UCP1: variants seen among roughly 807,000 people sequenced by gnomAD.
UCP1 encodes the protein mitochondrial brown fat uncoupling protein 1.
Under a neutral mutation model 26.2 loss-of-function variants are expected in UCP1, and 24 were observed. The observed-to-expected ratio is 0.92, with a 90% CI of 0.66 to 1.29. The LOEUF is 1.29. Among genes scored for constraint, UCP1 ranks in the 50% most tolerant of loss-of-function variants. The pLI, the probability that UCP1 is intolerant of heterozygous loss-of-function variation, is 0.00. For synonymous variants in UCP1, 164 were observed against 156.8 expected (o/e 1.05, Z -0.34); for missense variants, 402 against 388.7 (o/e 1.03, Z -0.29).
Position 140,562,187 on chromosome 4 carries a change from T to A in UCP1, c.809+6A>T. 2 of 1,614,130 alleles carry A rather than the reference T, an allele frequency of 1.2e-6. No homozygotes were observed. The highest frequency in any genetic ancestry group is 2.2e-5 in the South Asian group (2 of 91,082). ...CACATTACAGATACACAAGATCATATCTTACCCCTTGAAGAAAGCCGTTGG... is the reference window on the plus strand; with the variant it reads ...CACATTACAGATACACAAGATCATAACTTACCCCTTGAAGAAAGCCGTTGG... On this transcript the variant is annotated splice_donor_region_variant and intron_variant, in intron 5 of 5. Transcript: ENST00000262999.
chr4:140,568,618 T>C lies in UCP1; in HGVS notation c.112A>G (p.Lys38Glu), dbSNP rs1297328315. 3 of 1,613,672 alleles carry C rather than the reference T, an allele frequency of 1.9e-6. No individual in the cohort carries two copies. Among genetic ancestry groups the C allele is most frequent in the South Asian group, 1.1e-5 (1 of 90,854 alleles). Reference protein sequence around the residue: ...DVITFPLDTAKVRLQVQGECP... With the variant: ...DVITFPLDTAEVRLQVQGECP... ...TGCCTAGCTACCTGGAGCCGGACTT[T>C]GGCCGTGTCCAGCGGGAAGGTGATC... is the stretch of plus-strand genomic sequence containing the variant. Residue 38 changes from lysine to glutamate, a missense_variant, in exon 1 of 6, where the codon AAA becomes GAA. Coordinates refer to ENST00000262999, the MANE Select transcript of UCP1 (RefSeq NM_021833.5).
chr4:140,562,753 C>CTT (rs1404491907), intron 4 of UCP1, among the ~76,000 whole-genome samples: 8 of 151,924 alleles, frequency 5.3e-5, no homozygotes, highest in Non-Finnish European at 1.0e-4. Context: ...TGATAAGCTC[C>CTT]TTTTATAACT....
At chr4:140,568,387 C>G (rs1322721386) in intron 1 of UCP1, among the ~76,000 whole-genome samples, 1 of 152,080 alleles carries the variant, frequency 6.6e-6, no homozygotes, top group Non-Finnish European at 1.5e-5. Context: ...CATGGTCAAC[C>G]CATTCTCTGT....
chr4:140,566,570 A>G (rs1735803622), intron 2 of UCP1, among the ~76,000 whole-genome samples: 1 of 152,236 alleles, frequency 6.6e-6, no homozygotes, highest in Admixed American at 6.5e-5. Context: ...CTTTGAAAGT[A>G]CTTGTGTGGA....
chr4:140,568,844 T>G lies in UCP1; in HGVS notation c.-115A>C. On this transcript the variant is annotated 5_prime_UTR_variant, in exon 1 of 6. Coordinates refer to ENST00000262999, the MANE Select transcript of UCP1 (RefSeq NM_021833.5). ...CCGGGCAGCAAACCCGATTTCTGTT[T>G]TTTGAACCGACCGCCGGGCAGCGGC... The G allele has an allele frequency of 2.7e-6, 4 of 1,497,442 alleles. No individual in the cohort carries two copies. Among genetic ancestry groups the G allele is most frequent in the Non-Finnish European group, 3.6e-6 (4 of 1,116,328 alleles). The allele number at this position is 1,497,442 out of a possible 1,614,324, so 92.8% of individuals were successfully genotyped here.
At position 140,568,621 on chromosome 4, in the gene UCP1, C is replaced by T. The variant is rs753327254; in HGVS notation, c.109G>A (p.Ala37Thr). The T allele has an allele frequency of 2.5e-6, 4 of 1,613,266 alleles. No homozygotes were observed. In the South Asian group the frequency reaches 3.3e-5, roughly 13 times the overall value. Residue 37 changes from alanine (A) to threonine (T), a missense_variant, in exon 1 of 6, where the codon GCC becomes ACC. Physicochemically the swap from Ala to Thr is moderately conservative, Grantham distance 58 (BLOSUM62 0). Transcript: ENST00000262999. ...CTAGCTACCTGGAGCCGGACTTTGGCCGTGTCCAGCGGGAAGGTGATCACG... is the reference window on the plus strand; with the variant it reads ...CTAGCTACCTGGAGCCGGACTTTGGTCGTGTCCAGCGGGAAGGTGATCACG... Reference protein sequence around the residue: ...ADVITFPLDTAKVRLQVQGEC... With the variant: ...ADVITFPLDTTKVRLQVQGEC...
chr4:140,565,401 GCTTT>G (rs752327616), intron 2 of UCP1, among the ~76,000 whole-genome samples: 10 of 151,988 alleles, frequency 6.6e-5, no homozygotes, highest in Non-Finnish European at 1.3e-4. Flanking sequence ...ATCATTTCTT[GCTTT>G]CTAACTTACC....
At chr4:140,562,584 G>A (rs1480669544) in intron 4 of UCP1, among the ~76,000 whole-genome samples, 1 of 152,164 alleles carries the variant, frequency 6.6e-6, no homozygotes, top group African/African-American at 2.4e-5. Context: ...AAAGTAAACT[G>A]TTAGTTTCCT....
rs147778681 is a variant in UCP1 at position 140,563,109 on chromosome 4, C to T, written c.628+1G>A. The T allele has an allele frequency of 3.8e-5, 61 of 1,611,654 alleles. No homozygotes were observed. The Admixed American group carries it at 4.0e-4, about 11-fold the overall frequency. ...GTTTGTTATATGAAATGGGAAGTTA[C>T]CTGCTAATATGTTGTTTTTCACAAA... On this transcript the variant is annotated splice_donor_variant, in intron 4 of 5. Transcript: ENST00000262999. LOFTEE classifies it high-confidence loss of function.
Position 140,568,610 on chromosome 4 carries a change from C to T in UCP1, c.120G>A (p.Arg40=), listed in dbSNP as rs573078239. 3.7e-6 allele frequency: 6 copies of T among 1,613,742 alleles called. No homozygotes were observed. In the Admixed American group the frequency reaches 1.0e-4, roughly 27 times the overall value. Residue 40 remains arginine, a synonymous_variant, in exon 1 of 6, where the codon CGG becomes CGA. Coordinates refer to ENST00000262999, the MANE Select transcript of UCP1 (RefSeq NM_021833.5). ...TACCCCTCTGCCTAGCTACCTGGAG[C>T]CGGACTTTGGCCGTGTCCAGCGGGA... is the stretch of plus-strand genomic sequence containing the variant. ...ITFPLDTAKV[R]LQVQGECPTS...
chr4:140,568,627 C>G lies in UCP1; in HGVS notation c.103G>C (p.Asp35His). Residue 35 changes from aspartate (D) to histidine (H), a missense_variant, in exon 1 of 6, where the codon GAC becomes CAC. Asp to His is a moderately conservative substitution (Grantham distance 81). Coordinates refer to ENST00000262999, the MANE Select transcript of UCP1 (RefSeq NM_021833.5). Reference sequence around the variant, plus strand: ...ACCTGGAGCCGGACTTTGGCCGTGTCCAGCGGGAAGGTGATCACGTCCGCC... The same window carrying G: ...ACCTGGAGCCGGACTTTGGCCGTGTGCAGCGGGAAGGTGATCACGTCCGCC... The part of the protein sequence containing the change: ...CLADVITFPL[D>H]TAKVRLQVQG... 2 of 1,613,394 alleles carry G rather than the reference C, an allele frequency of 1.2e-6. No homozygotes were observed. Among genetic ancestry groups the G allele is most frequent in the Non-Finnish European group, 1.7e-6 (2 of 1,179,890 alleles).
At chr4:140,563,602 T>A in intron 2 of UCP1, 84 bp from the exon 3 acceptor site, 1 of 1,274,612 alleles carries the variant, frequency 7.8e-7, no homozygotes, top group Non-Finnish European at 1.1e-6. Context: ...CAGTGGTTCA[T>A]ATTTTTGTAT....
chr4:140,567,817 T>C lies in UCP1; in HGVS notation c.287A>G (p.Tyr96Cys), dbSNP rs752870968. 2 of 1,614,134 alleles carry C rather than the reference T, an allele frequency of 1.2e-6. No homozygotes were observed. Among genetic ancestry groups the C allele is most frequent in the Non-Finnish European group, 1.7e-6 (2 of 1,180,022 alleles). The change falls in exon 2 of 6, where the codon TAC becomes TGC. Residue 96 changes from tyrosine to cysteine, a missense_variant. By Grantham distance (194) the Tyr-to-Cys change is radical. Coordinates refer to ENST00000262999, the MANE Select transcript of UCP1 (RefSeq NM_021833.5). ...GGTGAGGAACTCCTGGACCGTGTCG[T>C]AGAGGCCGATCCTGAGAGAGGCGGA... Reference protein sequence around the residue: ...ISSASLRIGLYDTVQEFLTAG... With the variant: ...ISSASLRIGLCDTVQEFLTAG...
intron 1 of UCP1, 131 bp from the exon 2 acceptor site, chr4:140,568,108 CGTGTGTGTGT>C (rs3138733): frequency 0.031 from 19,854 of 634,412 alleles, 90 homozygotes; most frequent in African/African-American, 0.054. Context: ...CTCCCTCTAC[CGTGTGTGTGT>C]GTGTGTGTGT....
chr4:140,562,073 A>G, intron 5 of UCP1, 120 bp downstream of exon 5: 4 of 1,186,106 alleles, frequency 3.4e-6, no homozygotes, highest in Non-Finnish European at 5.0e-6. Flanking sequence ...AGGAAAAGTC[A>G]ATACTAAGTA....
chr4:140,563,753 A>C (rs951438099), intron 2 of UCP1, among the ~76,000 whole-genome samples: 40 of 151,918 alleles, frequency 2.6e-4, no homozygotes, highest in Admixed American at 6.6e-5. Context: ...GATTATAGGC[A>C]CGTGCCACCA....
intron 1 of UCP1, 108 bp downstream of exon 1, chr4:140,568,496 T>C: frequency 6.4e-7 from 1 of 1,554,624 alleles, no homozygotes; most frequent in Non-Finnish European, 8.7e-7. Context: ...GAAGGTCACC[T>C]ACCCTACCTA....
At position 140,563,216 on chromosome 4, in the gene UCP1, G is replaced by A; in HGVS notation, c.527-5C>T. On this transcript the variant is annotated splice_polypyrimidine_tract_variant and splice_region_variant and intron_variant, in intron 3 of 5. Coordinates refer to ENST00000262999, the MANE Select transcript of UCP1 (RefSeq NM_021833.5). ...TCATCAGATTGGGAGTAGTCCCTGGGGAAAAAAAAAAAGAAAATGTTTATT... is the reference window on the plus strand; with the variant it reads ...TCATCAGATTGGGAGTAGTCCCTGGAGAAAAAAAAAAAGAAAATGTTTATT... The A allele has an allele frequency of 6.2e-7, 1 of 1,610,168 alleles. No homozygotes were observed. Among genetic ancestry groups the A allele is most frequent in the Middle Eastern group, 1.7e-4 (1 of 6,058 alleles).
chr4:140,567,754 C>A (rs200660278), intron 2 of UCP1, 25 bp downstream of exon 2: 1 of 1,613,274 alleles, frequency 6.2e-7, no homozygotes, highest in Non-Finnish European at 8.5e-7. Flanking sequence ...CTTTTCTGCC[C>A]CTCCCAGGAA....
Sources: gnomAD v4.1 joint callset for allele counts (sites outside exome capture counted in the v4.1 genomes callset) on GRCh38, gnomAD v4.1.1 for gene constraint, MANE v1.5 for transcripts, NCBI Gene and HGNC (gene_info 2026-07-23, HGNC 2026-07-21) for gene names.